FMN2: variants seen among roughly 807,000 people sequenced by gnomAD.
FMN2 encodes formin-2.
In FMN2, 51 loss-of-function variants were observed where a neutral mutation model predicts 142.3. That is an observed-to-expected ratio of 0.36 (90% CI 0.29 to 0.45). The LOEUF (loss-of-function observed/expected upper bound fraction) is 0.45. Among genes scored for constraint, FMN2 ranks in the 20% least tolerant of loss-of-function variants. The pLI is 1.00. For missense variants in FMN2, 1,936 were observed against 2,122.8 expected (o/e 0.91, Z 1.73); for synonymous variants, 882 against 869.8 (o/e 1.01, Z -0.25).
intron 7 of FMN2, among the ~76,000 whole-genome samples, chr1:240,278,094 T>G (rs1669278371): frequency 6.6e-6 from 1 of 152,188 alleles, no homozygotes; most frequent in Non-Finnish European, 1.5e-5. Flanking sequence ...GAACCCCGAT[T>G]CCTATTACAC....
chr1:240,202,852 A>G (rs1666180156), intron 4 of FMN2, among the ~76,000 whole-genome samples: 1 of 152,214 alleles, frequency 6.6e-6, no homozygotes, highest in Admixed American at 6.5e-5. Context: ...ATTTATGATG[A>G]AACAGAGCTG....
intron 8 of FMN2, among the ~76,000 whole-genome samples, chr1:240,322,965 T>G (rs1267905633): frequency 2.0e-5 from 3 of 152,168 alleles, no homozygotes; most frequent in Non-Finnish European, 4.4e-5. Flanking sequence ...TAACTTGATT[T>G]CCCTTCCTGA....
intron 14 of FMN2, among the ~76,000 whole-genome samples, chr1:240,357,339 T>A (rs2103048688): frequency 6.6e-6 from 1 of 152,338 alleles, no homozygotes; most frequent in African/African-American, 2.4e-5. Context: ...ATATTTTGAA[T>A]CTGCAATTTA....
At chr1:240,250,653 G>T (rs778786117) in intron 6 of FMN2, among the ~76,000 whole-genome samples, 1 of 151,986 alleles carries the variant, frequency 6.6e-6, no homozygotes, top group Admixed American at 6.6e-5. Context: ...GGTGGGAAGA[G>T]TTTGAGGAAA....
chr1:240,338,799 CTTCT>C (rs1323261749), intron 13 of FMN2, among the ~76,000 whole-genome samples: 1 of 152,162 alleles, frequency 6.6e-6, no homozygotes, highest in Non-Finnish European at 1.5e-5. Context: ...GTGCGCTTTA[CTTCT>C]ATTATAATTA....
In FMN2 at chr1:240,215,679, T is replaced by C. The variant is rs560246345; in HGVS notation, c.4065+4444T>C. On this transcript the variant is annotated intron_variant, in intron 6 of 17. Transcript: ENST00000319653. Reference sequence around the variant, plus strand: ...ATAAATAAAATTGTATGTGAGACACTTTTAAAACCTTTACCATGTTTTAGC... The same window carrying C: ...ATAAATAAAATTGTATGTGAGACACCTTTAAAACCTTTACCATGTTTTAGC... 2.6e-5 allele frequency among the ~76,000 whole-genome samples: 4 copies of C among 152,326 alleles called. No homozygotes were observed. The South Asian group carries it at 8.3e-4, about 32-fold the overall frequency.
intron 4 of FMN2, among the ~76,000 whole-genome samples, chr1:240,205,584 CCTGAGTAGCTGGGACTACAG>C (rs1666313169): frequency 6.6e-6 from 1 of 151,594 alleles, no homozygotes; most frequent in Non-Finnish European, 1.5e-5. Flanking sequence ...GCCTCAGCCT[CCTGAGTAGCTGGGACTACAG>C]GCACCCGCCA....
chr1:240,229,336 C>G (rs573836637), intron 6 of FMN2, among the ~76,000 whole-genome samples: 8 of 152,218 alleles, frequency 5.3e-5, no homozygotes, highest in Admixed American at 5.2e-4. Context: ...CCATTCTTCC[C>G]CCTCTTCCTC....
At chr1:240,125,611 C>G (rs1197234508) in intron 2 of FMN2, among the ~76,000 whole-genome samples, 2 of 152,190 alleles carry the variant, frequency 1.3e-5, no homozygotes. Context: ...TCAAACTGTT[C>G]CCAAGTTAAC....
At chr1:240,338,383 T>A (rs1671633638) in intron 13 of FMN2, among the ~76,000 whole-genome samples, 1 of 152,206 alleles carries the variant, frequency 6.6e-6, no homozygotes. Flanking sequence ...TTTCCCCTTA[T>A]GTTTGAGGAC....
chr1:240,112,970 A>C (rs1397719570), intron 1 of FMN2, among the ~76,000 whole-genome samples: 1 of 152,254 alleles, frequency 6.6e-6, no homozygotes, highest in Non-Finnish European at 1.5e-5. Flanking sequence ...TGTTTTGCAA[A>C]GAGTAGGAGC....
At chr1:240,445,705 T>TTTG (rs1553266188) in intron 16 of FMN2, among the ~76,000 whole-genome samples, 2 of 151,278 alleles carry the variant, frequency 1.3e-5, no homozygotes, top group Non-Finnish European at 3.0e-5. Context: ...TCAAAGGGTT[T>TTTG]TTTTTTTTTT....
intron 3 of FMN2, among the ~76,000 whole-genome samples, chr1:240,183,310 A>G (rs373802604): frequency 7.9e-5 from 12 of 151,798 alleles, no homozygotes; most frequent in African/African-American, 2.7e-4. Context: ...GTAGTATTCT[A>G]TCTCTCTGAG....
In FMN2 at chr1:240,091,994, T is replaced by TC; in HGVS notation, c.-110dup. 1 of 1,373,160 alleles carries TC rather than the reference T, an allele frequency of 7.3e-7. No homozygotes were observed. Among genetic ancestry groups the TC allele is most frequent in the Non-Finnish European group, 9.3e-7 (1 of 1,071,162 alleles). 85.1% of individuals were successfully genotyped at this position (1,373,160 alleles called of 1,614,324 possible). A position where few individuals can be genotyped will look rare whatever the true frequency, so the allele number is the denominator to read the frequency against. ...CGCGTCGGCCTCCCCTCCCAGCGGC[T>TC]CCCCCCGCCGCCGCCTGACTCTCCC... On this transcript the variant is annotated 5_prime_UTR_variant, in exon 1 of 18. The change abolishes the stop of an existing upstream ORF in the 5' untranslated region. Transcript: ENST00000319653.
chr1:240,343,437 A>G (rs930268709), intron 13 of FMN2, among the ~76,000 whole-genome samples: 14 of 152,148 alleles, frequency 9.2e-5, no homozygotes, highest in Admixed American at 7.2e-4. Flanking sequence ...TTTAACCCCA[A>G]CACAAACACC....
chr1:240,170,055 C>A, intron 2 of FMN2: 1 of 580,112 alleles, frequency 1.7e-6, no homozygotes, highest in Non-Finnish European at 3.1e-6. Context: ...TCTGTCTCTA[C>A]TCACAGATAA....
chr1:240,341,282 C>G (rs1302939967), intron 13 of FMN2: 1 of 152,108 alleles, frequency 6.6e-6, no homozygotes, highest in Non-Finnish European at 1.5e-5. Context: ...ATATTAAAGT[C>G]CTTTTCAGCT....
chr1:240,218,281 CAAAAAAAAAAAA>C (rs60722656), intron 6 of FMN2, among the ~76,000 whole-genome samples: 1 of 92,954 alleles, frequency 1.1e-5, no homozygotes, highest in Non-Finnish European at 2.1e-5. Context: ...GACTCTGTCT[CAAAAAAAAAAAA>C]AAAAAAAAAA....
chr1:240,138,366 G>A (rs1228461969), intron 2 of FMN2, among the ~76,000 whole-genome samples: 2 of 152,052 alleles, frequency 1.3e-5, no homozygotes, highest in East Asian at 3.9e-4. Context: ...CCTCAACTAT[G>A]AAGGAGTTAG....
Sources: gnomAD v4.1 joint callset for allele counts (sites outside exome capture counted in the v4.1 genomes callset) on GRCh38, gnomAD v4.1.1 for gene constraint, MANE v1.5 for transcripts, NCBI Gene and HGNC (gene_info 2026-07-23, HGNC 2026-07-21) for gene names.